ZNF804A: variants seen among roughly 807,000 people sequenced by gnomAD.
ZNF804A encodes the protein zinc finger protein 804A.
In ZNF804A, 2 loss-of-function variants were observed where a neutral mutation model predicts 16.5. That is an observed-to-expected ratio of 0.12 (90% CI 0.05 to 0.38). ZNF804A has a LOEUF of 0.38. Ranked by LOEUF, ZNF804A falls within the 10% of genes least tolerant of loss-of-function variation. The pLI is 0.99. For missense variants in ZNF804A, 1,473 were observed against 1,390.7 expected (o/e 1.06, Z -0.94); for synonymous variants, 534 against 489.6 (o/e 1.09, Z -1.20).
At chr2:184,805,344 CT>C (rs1694785567) in intron 1 of ZNF804A, among the ~76,000 whole-genome samples, 1 of 152,080 alleles carries the variant, frequency 6.6e-6, no homozygotes, top group Non-Finnish European at 1.5e-5. Context: ...CTGTCTTTAA[CT>C]TACAAATGAT....
At position 184,807,496 on chromosome 2, in the gene ZNF804A, T is replaced by C. The variant is rs575473511; in HGVS notation, c.112-58873T>C. Among the ~76,000 whole-genome samples the C allele has an allele frequency of 2.0e-5, 3 of 151,944 alleles. No homozygotes were observed. The South Asian group carries it at 6.2e-4, about 31-fold the overall frequency. ...AATCATTCTCAGCATGAATAGTGAA[T>C]AAATGAAGGCTGGTTGTTGAACTTA... On this transcript the variant is annotated intron_variant, in intron 1 of 3. Coordinates refer to ENST00000302277, the MANE Select transcript of ZNF804A (RefSeq NM_194250.2).
At chr2:184,608,872 T>G (rs747200698) in intron 1 of ZNF804A, among the ~76,000 whole-genome samples, 1 of 152,284 alleles carries the variant, frequency 6.6e-6, no homozygotes, top group South Asian at 2.1e-4. Flanking sequence ...TATAAGGAAT[T>G]TGGAGGATAA....
intron 1 of ZNF804A, among the ~76,000 whole-genome samples, chr2:184,832,026 A>G (rs1394393785): frequency 2.0e-5 from 3 of 152,076 alleles, no homozygotes; most frequent in Non-Finnish European, 4.4e-5. Context: ...TAAAAAATGC[A>G]TTATTCTCTG....
rs369463214 is a variant in ZNF804A at position 184,604,584 on chromosome 2, G to A, written c.111+5514G>A. ...AGGCTGCCAAATTAGTTTGTTTAAT[G>A]TGCACAGTGTTTTAAAATACTTGGG... On this transcript the variant is annotated intron_variant, in intron 1 of 3. Transcript: ENST00000302277. 7.2e-5 allele frequency among the ~76,000 whole-genome samples: 11 copies of A among 152,238 alleles called. No individual in the cohort carries two copies. The South Asian group carries it at 2.3e-3, about 32-fold the overall frequency.
intron 1 of ZNF804A, among the ~76,000 whole-genome samples, chr2:184,652,337 A>G (rs1691999775): frequency 6.6e-6 from 1 of 152,146 alleles, no homozygotes; most frequent in African/African-American, 2.4e-5. Flanking sequence ...ATTGGGTACT[A>G]TGTTCAGTAC....
At chr2:184,750,457 C>A (rs915315364) in intron 1 of ZNF804A, among the ~76,000 whole-genome samples, 5 of 151,298 alleles carry the variant, frequency 3.3e-5, no homozygotes, top group Admixed American at 2.0e-4. Context: ...TCAGGAAAGT[C>A]AAATCCTGGG....
At chr2:184,842,507 C>G (rs1202618877) in intron 1 of ZNF804A, among the ~76,000 whole-genome samples, 1 of 150,624 alleles carries the variant, frequency 6.6e-6, no homozygotes, top group African/African-American at 2.4e-5. Context: ...CCTTTTGGAG[C>G]TGGGATTTTT....
intron 1 of ZNF804A, among the ~76,000 whole-genome samples, chr2:184,833,249 T>A (rs543445203): frequency 1.3e-5 from 2 of 152,170 alleles, no homozygotes; most frequent in African/African-American, 4.8e-5. Context: ...CATTTAGGCT[T>A]CCCATTTTTT....
chr2:184,646,789 C>G (rs1219066908), intron 1 of ZNF804A, among the ~76,000 whole-genome samples: 1 of 152,242 alleles, frequency 6.6e-6, no homozygotes, highest in Non-Finnish European at 1.5e-5. Context: ...CTAGGCAAAC[C>G]TCTGAGCGCT....
chr2:184,665,667 G>A (rs1692244251), intron 1 of ZNF804A, among the ~76,000 whole-genome samples: 1 of 152,188 alleles, frequency 6.6e-6, no homozygotes, highest in Non-Finnish European at 1.5e-5. Flanking sequence ...TGGGGAATAA[G>A]CCTCTTTCAA....
At chr2:184,721,308 C>T (rs150585618) in intron 1 of ZNF804A, among the ~76,000 whole-genome samples, 13 of 152,164 alleles carry the variant, frequency 8.5e-5, no homozygotes, top group Non-Finnish European at 1.6e-4. Context: ...AGTGAAAAGA[C>T]AACCTGTTAA....
intron 1 of ZNF804A, among the ~76,000 whole-genome samples, chr2:184,757,371 T>A (rs1480903067): frequency 1.3e-5 from 2 of 151,950 alleles, no homozygotes; most frequent in African/African-American, 4.8e-5. Flanking sequence ...CTCTTAAACA[T>A]GTGCAGGTTA....
chr2:184,806,985 G>A lies in ZNF804A; in HGVS notation c.112-59384G>A, dbSNP rs191264373. Among the ~76,000 whole-genome samples, 20 of 151,724 alleles carry A rather than the reference G, an allele frequency of 1.3e-4. 1 individual carries two copies. In the East Asian group the frequency reaches 3.9e-3, roughly 29 times the overall value. On this transcript the variant is annotated intron_variant, in intron 1 of 3. Transcript: ENST00000302277. The stretch of plus-strand genomic sequence containing the variant: ...AAGTCAAGAAAGAAATTATGTTTAT[G>A]TATTTTATTTTCACTGATGAGGAAA...
At chr2:184,760,627 AT>A (rs1164803112) in intron 1 of ZNF804A, among the ~76,000 whole-genome samples, 5 of 152,136 alleles carry the variant, frequency 3.3e-5, no homozygotes, top group African/African-American at 9.7e-5. Context: ...AAGAAGCCAT[AT>A]GCTCTTCTCT....
chr2:184,755,395 C>G (rs1693944508), intron 1 of ZNF804A, among the ~76,000 whole-genome samples: 1 of 151,820 alleles, frequency 6.6e-6, no homozygotes, highest in Non-Finnish European at 1.5e-5. Context: ...GGGTGCATCC[C>G]AACAATGCAT....
chr2:184,871,683 T>A (rs1192277227), intron 2 of ZNF804A, among the ~76,000 whole-genome samples: 5 of 152,022 alleles, frequency 3.3e-5, no homozygotes, highest in Non-Finnish European at 7.4e-5. Context: ...AGGACAGTGA[T>A]GAGTTTTATA....
intron 1 of ZNF804A, among the ~76,000 whole-genome samples, chr2:184,663,744 A>G (rs186749734): frequency 1.3e-5 from 2 of 152,172 alleles, no homozygotes; most frequent in Non-Finnish European, 2.9e-5. Context: ...TCTGAAGCCC[A>G]TAAAAACTCA....
chr2:184,634,350 C>T (rs1490325622), intron 1 of ZNF804A, among the ~76,000 whole-genome samples: 2 of 152,038 alleles, frequency 1.3e-5, no homozygotes, highest in East Asian at 3.9e-4. Flanking sequence ...CTCAGATGTC[C>T]ACATATTAAT....
chr2:184,757,077 G>A (rs964601057), intron 1 of ZNF804A, among the ~76,000 whole-genome samples: 3 of 151,996 alleles, frequency 2.0e-5, no homozygotes, highest in Non-Finnish European at 4.4e-5. Context: ...ATGCTGAGCT[G>A]TCATATTAAT....
Sources: allele counts gnomAD v4.1 joint callset (sites outside exome capture counted in the v4.1 genomes callset), GRCh38; gene constraint gnomAD v4.1.1; transcripts MANE v1.5; gene names NCBI Gene and HGNC (gene_info 2026-07-23, HGNC 2026-07-21).